The following MYOT variants were observed in gnomAD, a reference collection of about 807,000 sequenced individuals.
The protein encoded by MYOT is myotilin.
Under a neutral mutation model 58.0 loss-of-function variants are expected in MYOT, and 36 were observed. The observed-to-expected ratio is 0.62, with a 90% CI of 0.48 to 0.82. The LOEUF (loss-of-function observed/expected upper bound fraction) is 0.82, where lower values mean the gene tolerates loss of function less well. MYOT is among the 40% of genes least tolerant of loss of function. MYOT has a pLI of 0.00. For synonymous variants in MYOT, 218 were observed against 204.6 expected (o/e 1.07, Z -0.56); for missense variants, 505 against 592.1 (o/e 0.85, Z 1.53).
intron 4 of MYOT, among the ~76,000 whole-genome samples, chr5:137,880,032 T>C (rs1160991902): frequency 6.6e-6 from 1 of 152,190 alleles, no homozygotes; most frequent in Non-Finnish European, 1.5e-5. Flanking sequence ...AGCAAATTAT[T>C]TGTACTCAGA....
At position 137,877,634 on chromosome 5, in the gene MYOT, G is replaced by A; in HGVS notation, c.633+13G>A. 2.0e-6 allele frequency: 3 copies of A among 1,529,498 alleles called. No individual in the cohort carries two copies. Among genetic ancestry groups the A allele is most frequent in the Non-Finnish European group, 2.7e-6 (3 of 1,102,784 alleles). The allele number at this position is 1,529,498 out of a possible 1,614,324, so 94.7% of individuals were successfully genotyped here. On this transcript the variant is annotated intron_variant, in intron 4 of 9. Coordinates refer to ENST00000239926, the MANE Select transcript of MYOT (RefSeq NM_006790.3). ...ACAAGACTCGCAGGTAAGTTAAAAT[G>A]CTCTAAGTGGAGTATTTTTATTCTG... is the stretch of plus-strand genomic sequence containing the variant.
At chr5:137,881,020 G>A (rs2149986117) in intron 5 of MYOT, among the ~76,000 whole-genome samples, 155 bp downstream of exon 5, 1 of 152,206 alleles carries the variant, frequency 6.6e-6, no homozygotes, top group East Asian at 1.9e-4. Context: ...CCAAAATTTT[G>A]ACGTTCATCA....
intron 5 of MYOT, 51 bp from the exon 6 acceptor site, chr5:137,881,922 G>A: frequency 6.3e-7 from 1 of 1,595,672 alleles, no homozygotes; most frequent in Non-Finnish European, 8.6e-7. Flanking sequence ...TGTGCAAAAT[G>A]AAAAGCAATG....
At position 137,875,865 on chromosome 5, in the gene MYOT, A is replaced by G; in HGVS notation, c.393A>G (p.Ala131=). The G allele has an allele frequency of 1.2e-6, 2 of 1,614,110 alleles. No homozygotes were observed. The highest frequency in any genetic ancestry group is 1.7e-6 in the Non-Finnish European group (2 of 1,179,992). ...CCTCAGCTGGCCAACCTATAAATGC[A>G]AAGCCATCCCAAACTGCAAATGCTA... ...QQSSAGQPIN[A]KPSQTANAKP... The change falls in exon 3 of 10, where the codon GCA becomes GCG. Residue 131 remains alanine, a synonymous_variant. Coordinates refer to ENST00000239926, the MANE Select transcript of MYOT (RefSeq NM_006790.3).
In MYOT at chr5:137,881,988, A is replaced by G. The variant is rs1755447724; in HGVS notation, c.699A>G (p.Ser233=). The change falls in exon 6 of 10, where the codon TCA becomes TCG. Residue 233 remains serine, a synonymous_variant. Coordinates refer to ENST00000239926, the MANE Select transcript of MYOT (RefSeq NM_006790.3). The part of the protein sequence containing the change: ...PTSQVRSRST[S]RGDVNDQDAI... ...ATTCTTGTAGAAGTAGATCAACCTC[A>G]AGGGGAGATGTGAATGATCAGGATG... 1.9e-6 allele frequency: 3 copies of G among 1,614,018 alleles called. No homozygotes were observed. In the East Asian group the frequency reaches 6.7e-5, roughly 36 times the overall value.
At chr5:137,878,367 A>C (rs1338892128) in intron 4 of MYOT, among the ~76,000 whole-genome samples, 1 of 151,990 alleles carries the variant, frequency 6.6e-6, no homozygotes, top group Non-Finnish European at 1.5e-5. Flanking sequence ...ACAGGCGCAC[A>C]CCATCAGGCC....
chr5:137,872,541 T>C (rs1455762520), intron 2 of MYOT, among the ~76,000 whole-genome samples: 1 of 152,192 alleles, frequency 6.6e-6, no homozygotes, highest in East Asian at 1.9e-4. Flanking sequence ...CTTTAGCTGT[T>C]CCATTTTCAG....
At position 137,880,853 on chromosome 5, in the gene MYOT, C is replaced by T; in HGVS notation, c.671C>T (p.Thr224Ile). 6.2e-7 allele frequency: 1 copy of T among 1,609,914 alleles called. No individual in the cohort carries two copies. The highest frequency in any genetic ancestry group is 8.5e-7 in the Non-Finnish European group (1 of 1,176,530). ...GAACATGCGCGACTGCAAGTTCCTA[C>T]ATCACAAGTAAGGTAAAAAATTTTA... Reference protein sequence around the residue: ...NSEHARLQVPTSQVRSRSTSR... With the variant: ...NSEHARLQVPISQVRSRSTSR... Residue 224 changes from threonine to isoleucine, a missense_variant, in exon 5 of 10, where the codon ACA (threonine) becomes ATA (isoleucine). Transcript: ENST00000239926.
chr5:137,868,034 T>C (rs1479065034), intron 1 of MYOT, 81 bp downstream of exon 1: 1 of 152,192 alleles, frequency 6.6e-6, no homozygotes, highest in Non-Finnish European at 1.5e-5. Flanking sequence ...TATACAAAGA[T>C]GATTTTCAGA....
chr5:137,868,001 T>C (rs1023318103), intron 1 of MYOT, 48 bp downstream of exon 1: 1 of 152,218 alleles, frequency 6.6e-6, no homozygotes, highest in Non-Finnish European at 1.5e-5. Flanking sequence ...TTGTTTTTGT[T>C]TTTTGTCCAA....
Position 137,886,947 on chromosome 5 carries a change from C to T in MYOT, c.1274C>T (p.Ala425Val). ...GATGCTGGGTGGTATACTGTGTCAGCAGTTAATGAAGCTGGAGTGACTACA... is the reference window on the plus strand; with the variant it reads ...GATGCTGGGTGGTATACTGTGTCAGTAGTTAATGAAGCTGGAGTGACTACA... ...KKDAGWYTVS[A>V]VNEAGVTTCN... The change falls in exon 9 of 10, where the codon GCA (alanine) becomes GTA (valine). Residue 425 changes from alanine to valine, a missense_variant. By Grantham distance (64) the Ala-to-Val change is moderately conservative (BLOSUM62 0). Transcript: ENST00000239926. 6.2e-7 allele frequency: 1 copy of T among 1,612,546 alleles called. No homozygotes were observed. The highest frequency in any genetic ancestry group is 1.1e-5 in the South Asian group (1 of 91,034).
chr5:137,884,648 G>A (rs1755538968), intron 7 of MYOT, among the ~76,000 whole-genome samples: 1 of 152,022 alleles, frequency 6.6e-6, no homozygotes, highest in Non-Finnish European at 1.5e-5. Flanking sequence ...CAAAGGAAGT[G>A]TTCATTAGAG....
chr5:137,869,378 AG>A (rs1214321057), intron 1 of MYOT, among the ~76,000 whole-genome samples: 1 of 152,228 alleles, frequency 6.6e-6, no homozygotes, highest in Admixed American at 6.5e-5. Context: ...AGTCCCGCTT[AG>A]GTTTACCATA....
At chr5:137,878,436 C>T (rs369302115) in intron 4 of MYOT, among the ~76,000 whole-genome samples, 12 of 151,164 alleles carry the variant, frequency 7.9e-5, no homozygotes, top group South Asian at 2.1e-4. Context: ...CAGGCTGGAA[C>T]GCCTCGGCCT....
intron 4 of MYOT, chr5:137,880,606 A>T (rs985085926): frequency 1.4e-5 from 7 of 506,752 alleles, no homozygotes; most frequent in Non-Finnish European, 2.2e-5. Context: ...ATACTTGTTG[A>T]ATAGTCCCAT....
intron 6 of MYOT, 115 bp downstream of exon 6, chr5:137,882,220 C>A: frequency 8.3e-7 from 1 of 1,207,250 alleles, no homozygotes; most frequent in Non-Finnish European, 1.2e-6. Context: ...TGGACAAGAA[C>A]ACAAATTCTG....
chr5:137,882,022 G>C lies in MYOT; in HGVS notation c.733G>C (p.Glu245Gln). ...TGTGAATGATCAGGATGCAATCCAG[G>C]AGAAATTTTACCCACCACGTTTCAT... ...GDVNDQDAIQ[E>Q]KFYPPRFIQV... The change falls in exon 6 of 10, where the codon GAG (glutamate) becomes CAG (glutamine). Residue 245 changes from glutamate to glutamine, a missense_variant. By Grantham distance (29) the Glu-to-Gln change is conservative (BLOSUM62 2). Coordinates refer to ENST00000239926, the MANE Select transcript of MYOT (RefSeq NM_006790.3). 6.2e-7 allele frequency: 1 copy of C among 1,614,094 alleles called. No individual in the cohort carries two copies. The highest frequency in any genetic ancestry group is 8.5e-7 in the Non-Finnish European group (1 of 1,179,930).
chr5:137,881,604 G>C (rs563099888), intron 5 of MYOT, among the ~76,000 whole-genome samples: 1 of 152,106 alleles, frequency 6.6e-6, no homozygotes, highest in African/African-American at 2.4e-5. Context: ...GCGGAGGTTG[G>C]TATAACTGAA....
chr5:137,878,693 T>C (rs1755314239), intron 4 of MYOT, among the ~76,000 whole-genome samples: 1 of 151,496 alleles, frequency 6.6e-6, no homozygotes, highest in East Asian at 2.0e-4. Context: ...CGTGGTGGCC[T>C]GCGCCTGTAG....
Sources: gnomAD v4.1 joint callset for allele counts (sites outside exome capture counted in the v4.1 genomes callset) on GRCh38, gnomAD v4.1.1 for gene constraint, MANE v1.5 for transcripts, NCBI Gene and HGNC (gene_info 2026-07-23, HGNC 2026-07-21) for gene names.